USH1C: variants seen among roughly 807,000 people sequenced by gnomAD.
USH1C encodes harmonin.
In USH1C, 90 loss-of-function variants were observed where a neutral mutation model predicts 119.3. That is an observed-to-expected ratio of 0.75 (90% confidence interval 0.64 to 0.90). The LOEUF (loss-of-function observed/expected upper bound fraction) is 0.90, where lower values mean the gene tolerates loss of function less well. Ranked by LOEUF, USH1C falls within the 40% of genes least tolerant of loss-of-function variation. The pLI is 0.00. For missense variants in USH1C, 1,165 were observed against 1,167.7 expected, an observed-to-expected ratio of 1.00 and a Z score of 0.03; for synonymous variants, 465 against 443.3, an observed-to-expected ratio of 1.05 and a Z score of -0.62.
chr11:17,500,905 A>C, intron 23 of USH1C, 146 bp downstream of exon 23: 1 of 723,670 alleles, frequency 1.4e-6, no homozygotes, highest in Admixed American at 2.0e-5. Context: ...GGGATTGGAC[A>C]GGCAGTCGGA....
chr11:17,517,519 T>C (rs770674362), intron 14 of USH1C: 2 of 1,552,506 alleles, frequency 1.3e-6, no homozygotes, highest in South Asian at 1.2e-5. Flanking sequence ...AAAAGGGACT[T>C]GGGAGCCCAA....
At chr11:17,506,046 C>T in intron 18 of USH1C, 97 bp from the exon 19 acceptor site, 1 of 1,576,608 alleles carries the variant, frequency 6.3e-7, no homozygotes, top group South Asian at 1.1e-5. Context: ...TACACCCATG[C>T]ATATGTGAAG....
In USH1C at chr11:17,498,290, G is replaced by A. The variant is rs780970002; in HGVS notation, c.2381-19C>T. On this transcript the variant is annotated intron_variant, in intron 23 of 26. Coordinates refer to ENST00000005226, the MANE Select transcript of USH1C (RefSeq NM_153676.4). ...ATGCCACCTGCAGGCAGATGAGGCT[G>A]ATTGGCCAACTGGGCTGTATGTGAC... 3 of 1,612,262 alleles carry A rather than the reference G, an allele frequency of 1.9e-6. No individual in the cohort carries two copies. The highest frequency in any genetic ancestry group is 3.3e-5 in the Admixed American group (2 of 60,030).
chr11:17,494,506 C>T (rs866932527), intron 26 of USH1C, 130 bp from the exon 27 acceptor site: 3 of 1,043,124 alleles, frequency 2.9e-6, no homozygotes, highest in Middle Eastern at 2.8e-4. Context: ...CTTTGGAGAC[C>T]CCTCTGGGTG....
chr11:17,519,021 C>G (rs1284028897), intron 14 of USH1C, among the ~76,000 whole-genome samples: 3 of 142,086 alleles, frequency 2.1e-5, no homozygotes, highest in Non-Finnish European at 4.5e-5. Context: ...AACTCTGTCT[C>G]AAGAAAAAAA....
At chr11:17,527,411 G>A (rs1293385087) in intron 4 of USH1C, 80 bp from the exon 5 acceptor site, 4 of 1,139,492 alleles carry the variant, frequency 3.5e-6, no homozygotes, top group South Asian at 2.5e-5. Context: ...AGATGCTCCC[G>A]GACTGCTCTC....
intron 18 of USH1C, among the ~76,000 whole-genome samples, chr11:17,508,258 A>T (rs1304341308): frequency 6.6e-6 from 1 of 152,118 alleles, no homozygotes; most frequent in Non-Finnish European, 1.5e-5. Context: ...AGGGCTCACG[A>T]CCCCAACCAG....
At position 17,523,516 on chromosome 11, in the gene USH1C, T is replaced by A. The variant is rs370098627; in HGVS notation, c.760-38A>T. ...TGGAGAAAGATTAGTGTGTTTGCGC[T>A]ATCTGTACACTCGCTCATCTGCAGG... is the stretch of plus-strand genomic sequence containing the variant. On this transcript the variant is annotated intron_variant, in intron 9 of 26. Transcript: ENST00000005226. 6.8e-6 allele frequency: 11 copies of A among 1,606,172 alleles called. No homozygotes were observed. In the East Asian group the frequency reaches 2.2e-4, roughly 33 times the overall value.
chr11:17,498,980 A>T (rs1482136708), intron 23 of USH1C, among the ~76,000 whole-genome samples: 1 of 152,242 alleles, frequency 6.6e-6, no homozygotes, highest in Non-Finnish European at 1.5e-5. Flanking sequence ...TGAATAAATG[A>T]AGCTGTAATA....
intron 1 of USH1C, among the ~76,000 whole-genome samples, chr11:17,544,054 A>T (rs1367420564): frequency 6.6e-6 from 1 of 152,068 alleles, no homozygotes; most frequent in East Asian, 1.9e-4. Context: ...CAGAAGATCG[A>T]CTCGTTTAGC....
In USH1C at chr11:17,520,876, G is replaced by A; in HGVS notation, c.1204C>T (p.Pro402Ser). 1 of 1,614,144 alleles carries A rather than the reference G, an allele frequency of 6.2e-7. No individual in the cohort carries two copies. Among genetic ancestry groups the A allele is most frequent in the Non-Finnish European group, 8.5e-7 (1 of 1,180,020 alleles). ...CTCGGCTCATGAAACTTACACTTTG[G>A]CTTGCGAAGGGGTACTGGGTGTACC... ...AEVHPVPLRK[P>S]KSFGWFYRYD... is the part of the protein sequence containing the mutation. Residue 402 changes from proline to serine, a missense_variant, in exon 14 of 27, where the codon CCA becomes TCA. Physicochemically the swap from Pro to Ser is moderately conservative, Grantham distance 74. Transcript: ENST00000005226.
Position 17,526,774 on chromosome 11 carries a change from A to T in USH1C, c.558T>A (p.Asp186Glu). 2 of 1,614,160 alleles carry T rather than the reference A, an allele frequency of 1.2e-6. No individual in the cohort carries two copies. Among genetic ancestry groups the T allele is most frequent in the Non-Finnish European group, 1.7e-6 (2 of 1,180,018 alleles). Residue 186 changes from aspartate to glutamate, a missense_variant, in exon 7 of 27, where the codon GAT becomes GAA. By Grantham distance (45) the Asp-to-Glu change is conservative (BLOSUM62 2). Transcript: ENST00000005226. ...TTACCCCAGATTCCGACACAAACTGATCCACATACTGCCAAGTGAGGGGCT... is the reference window on the plus strand; with the variant it reads ...TTACCCCAGATTCCGACACAAACTGTTCCACATACTGCCAAGTGAGGGGCT... Reference protein sequence around the residue: ...PDEPLTWQYVDQFVSESGGVR... With the variant: ...PDEPLTWQYVEQFVSESGGVR...
At chr11:17,510,163 G>A (rs1849825097) in intron 17 of USH1C, among the ~76,000 whole-genome samples, 1 of 152,150 alleles carries the variant, frequency 6.6e-6, no homozygotes, top group African/African-American at 2.4e-5. Flanking sequence ...AGGACAACAG[G>A]CCTAACTGAG....
At chr11:17,496,559 C>T (rs557485605) in intron 25 of USH1C, among the ~76,000 whole-genome samples, 199 bp downstream of exon 25, 4 of 152,306 alleles carry the variant, frequency 2.6e-5, no homozygotes, top group Admixed American at 1.3e-4. Flanking sequence ...CAAGACTGCC[C>T]GGGAGGCAGC....
chr11:17,503,371 T>C (rs1361912968), intron 20 of USH1C, among the ~76,000 whole-genome samples: 1 of 152,196 alleles, frequency 6.6e-6, no homozygotes, highest in Non-Finnish European at 1.5e-5. Context: ...ATGGGCCAGA[T>C]GGCAGGTACT....
chr11:17,527,229 C>A lies in USH1C; in HGVS notation c.490G>T (p.Val164Leu). The change falls in exon 5 of 27, where the codon GTG becomes TTG. Residue 164 changes from valine (V) to leucine (L), a missense_variant. Val to Leu is a conservative substitution (Grantham distance 32). Transcript: ENST00000005226. Reference sequence around the variant, plus strand: ...CTGCTCTGGCCTCACTCACGTCTCACTTTGATGGACACAGTTTTCTTGGTT... The same window carrying A: ...CTGCTCTGGCCTCACTCACGTCTCAATTTGATGGACACAGTTTTCTTGGTT... Reference protein sequence around the residue: ...IRTKKTVSIKVRHIGLIPVKS... With the variant: ...IRTKKTVSIKLRHIGLIPVKS... The A allele has an allele frequency of 2.5e-6, 4 of 1,609,750 alleles. No individual in the cohort carries two copies. Among genetic ancestry groups the A allele is most frequent in the Non-Finnish European group, 3.4e-6 (4 of 1,178,274 alleles).
chr11:17,499,544 T>C (rs531621561), intron 23 of USH1C, among the ~76,000 whole-genome samples: 8 of 152,306 alleles, frequency 5.3e-5, no homozygotes, highest in African/African-American at 1.7e-4. Flanking sequence ...CCTGGTCCCC[T>C]CTCTCTGCTA....
chr11:17,517,510 A>G, intron 14 of USH1C: 1 of 1,561,542 alleles, frequency 6.4e-7, no homozygotes, highest in Non-Finnish European at 8.7e-7. Context: ...TGGTGAACCA[A>G]AAGGGACTTG....
chr11:17,531,039 C>T lies in USH1C; in HGVS notation c.387+115G>A, dbSNP rs748291917. Reference sequence around the variant, plus strand: ...AGGATGCGCCAGCCTCTTCTTCACCCGAAGGCTCAGAAAAGTGGGTGACCA... The same window carrying T: ...AGGATGCGCCAGCCTCTTCTTCACCTGAAGGCTCAGAAAAGTGGGTGACCA... On this transcript the variant is annotated intron_variant, in intron 4 of 26. Transcript: ENST00000005226. This position sits in a 1 kb window ranked among gnomAD's most constrained non-coding sequence, Gnocchi z 4.2. 1.7e-5 allele frequency: 26 copies of T among 1,534,442 alleles called. No individual in the cohort carries two copies. In the East Asian group the frequency reaches 3.0e-4, roughly 18 times the overall value.
Sources: gnomAD v4.1 joint callset for allele counts (sites outside exome capture counted in the v4.1 genomes callset) on GRCh38, gnomAD v4.1.1 for gene constraint, Gnocchi (gnomAD v3.1) non-coding constraint, MANE v1.5 for transcripts, NCBI Gene and HGNC (gene_info 2026-07-23, HGNC 2026-07-21) for gene names.